CBX5: variants seen among roughly 807,000 people sequenced by gnomAD.
The protein encoded by CBX5 is chromobox protein homolog 5.
CBX5 carries 7 observed loss-of-function variants against 20.7 expected under a neutral mutation model. The observed-to-expected ratio is 0.34, with a 90% CI of 0.19 to 0.63. The LOEUF is 0.63. Ranked by LOEUF, CBX5 falls within the 30% of genes least tolerant of loss-of-function variation. CBX5 has a pLI of 0.75. For synonymous variants in CBX5, 78 were observed against 77.0 expected (o/e 1.01, Z -0.07); for missense variants, 110 against 224.1 (o/e 0.49, Z 3.25).
chr12:54,268,742 A>G (rs1943980671), intron 1 of CBX5, among the ~76,000 whole-genome samples: 1 of 152,200 alleles, frequency 6.6e-6, no homozygotes, highest in Admixed American at 6.5e-5. Flanking sequence ...TTGTTATAGA[A>G]AAGGTAAAAG....
chr12:54,274,810 C>T (rs1029048449), intron 1 of CBX5, among the ~76,000 whole-genome samples: 2 of 151,938 alleles, frequency 1.3e-5, no homozygotes, highest in Non-Finnish European at 2.9e-5. Flanking sequence ...CATGGTGGCA[C>T]GTGCCTGTAG....
At chr12:54,269,628 C>T (rs1235615787) in intron 1 of CBX5, among the ~76,000 whole-genome samples, 1 of 152,092 alleles carries the variant, frequency 6.6e-6, no homozygotes, top group Non-Finnish European at 1.5e-5. Flanking sequence ...ACCTCGTGAT[C>T]CACCCACCTC....
In CBX5 at chr12:54,247,226, G is replaced by A. The variant is rs181492840; in HGVS notation, c.325-1011C>T. ...TAGAAGGTAGAACCGGACTGTGACT[G>A]AAAACAAAAACAAACAAAAAAGAAA... On this transcript the variant is annotated intron_variant, in intron 3 of 4. Coordinates refer to ENST00000209875, the MANE Select transcript of CBX5 (RefSeq NM_012117.3). Among the ~76,000 whole-genome samples, 196 of 147,246 alleles carry A rather than the reference G, an allele frequency of 1.3e-3. 1 individual carries two copies. Among genetic ancestry groups the A allele is most frequent in the East Asian group, 9.9e-3 (50 of 5,042 alleles).
At chr12:54,260,662 T>C (rs1043994461) in intron 1 of CBX5, among the ~76,000 whole-genome samples, 1 of 152,162 alleles carries the variant, frequency 6.6e-6, no homozygotes, top group Non-Finnish European at 1.5e-5. Context: ...CATCACCTGA[T>C]ACATTATTAA....
At chr12:54,243,107 G>C (rs141853464) in intron 4 of CBX5, among the ~76,000 whole-genome samples, 1,583 of 152,088 alleles carry the variant, frequency 0.01, 25 homozygotes, top group African/African-American at 0.036. Context: ...CTGGGCAACA[G>C]AGTGAGACCC....
intron 3 of CBX5, 56 bp downstream of exon 3, chr12:54,251,979 TTTATTA>T: frequency 1.5e-6 from 2 of 1,357,344 alleles, no homozygotes; most frequent in South Asian, 3.1e-5. Flanking sequence ...GATACTTTTA[TTTATTA>T]TTATTATTTT....
rs1565863159 is a variant in CBX5, at chr12:54,233,403, C to G, written c.*8352G>C. On this transcript the variant is annotated 3_prime_UTR_variant, in exon 5 of 5. Coordinates refer to ENST00000209875, the MANE Select transcript of CBX5 (RefSeq NM_012117.3). ...GGTGAGGGTGACACGAGACAAACAC[C>G]AAACTCACCACCAGCCCTCGTTTAG... 6.6e-6 allele frequency: 1 copy of G among 152,124 alleles called. No homozygotes were observed. The highest frequency in any genetic ancestry group is 1.5e-5 in the Non-Finnish European group (1 of 68,024). The allele number at this position is 152,124 out of a possible 1,614,324, so 9.4% of individuals were successfully genotyped here.
At chr12:54,273,948 G>C (rs2137032569) in intron 1 of CBX5, 1 of 152,306 alleles carries the variant, frequency 6.6e-6, no homozygotes, top group East Asian at 1.9e-4. Context: ...TTGTGTTTCA[G>C]ATAACCCAAA....
intron 1 of CBX5, among the ~76,000 whole-genome samples, chr12:54,266,026 AAC>A (rs1483506575): frequency 3.5e-4 from 48 of 136,986 alleles, no homozygotes; most frequent in Admixed American, 2.1e-3. Context: ...CAGCCTGGGC[AAC>A]AGAGGCAGAC....
chr12:54,245,938 C>A (rs1411634914), intron 4 of CBX5, among the ~76,000 whole-genome samples, 177 bp downstream of exon 4: 1 of 152,144 alleles, frequency 6.6e-6, no homozygotes, highest in African/African-American at 2.4e-5. Flanking sequence ...AGTGAGATCG[C>A]ACCACTGTAC....
At chr12:54,278,528 T>C (rs1352837756) in intron 1 of CBX5, 1 of 152,250 alleles carries the variant, frequency 6.6e-6, no homozygotes, top group East Asian at 1.9e-4. Flanking sequence ...ATTATAAGTG[T>C]ATTTCATAGG....
intron 1 of CBX5, among the ~76,000 whole-genome samples, chr12:54,262,103 G>A (rs1297777647): frequency 6.6e-6 from 1 of 152,220 alleles, no homozygotes; most frequent in Non-Finnish European, 1.5e-5. Context: ...AGAGAACAGG[G>A]TAGGTACGTT....
At chr12:54,253,909 C>T (rs560366296) in intron 2 of CBX5, among the ~76,000 whole-genome samples, 4 of 151,710 alleles carry the variant, frequency 2.6e-5, no homozygotes, top group South Asian at 2.1e-4. Context: ...TACAGGCATG[C>T]GCCACCAATT....
intron 4 of CBX5, among the ~76,000 whole-genome samples, chr12:54,242,182 T>G (rs1805444519): frequency 6.6e-6 from 1 of 152,170 alleles, no homozygotes; most frequent in Non-Finnish European, 1.5e-5. Context: ...ATTAATCTGC[T>G]TCCAAAATTT....
chr12:54,277,403 C>T (rs1297270769), intron 1 of CBX5, among the ~76,000 whole-genome samples: 1 of 152,188 alleles, frequency 6.6e-6, no homozygotes, highest in African/African-American at 2.4e-5. Flanking sequence ...CGGGGTTTCA[C>T]GATGTTGGCC....
intron 1 of CBX5, among the ~76,000 whole-genome samples, chr12:54,278,250 GTGCTAA>G (rs1282572373): frequency 6.6e-6 from 1 of 152,170 alleles, no homozygotes; most frequent in Admixed American, 6.5e-5. Flanking sequence ...AATACCAACA[GTGCTAA>G]TGCTGAGAAA....
intron 1 of CBX5, among the ~76,000 whole-genome samples, chr12:54,259,965 A>G (rs1457386371): frequency 6.6e-6 from 1 of 152,102 alleles, no homozygotes; most frequent in Non-Finnish European, 1.5e-5. Context: ...CCATCACTTA[A>G]TCCAGCCCAC....
rs1943574342 is a variant in CBX5, at chr12:54,232,102, T to G, written c.*9653A>C. 1 of 152,202 alleles carries G rather than the reference T, an allele frequency of 6.6e-6. No individual in the cohort carries two copies. Among genetic ancestry groups the G allele is most frequent in the Non-Finnish European group, 1.5e-5 (1 of 68,044 alleles). 9.4% of individuals were successfully genotyped at this position (152,202 alleles called of 1,614,324 possible). A position where few individuals can be genotyped will look rare whatever the true frequency, so the allele number is the denominator to read the frequency against. On this transcript the variant is annotated 3_prime_UTR_variant, in exon 5 of 5. Transcript: ENST00000209875. ...AGAAATACGCAGTAGCATCCCTGCC[T>G]CACGATTCCCTAATCCAATGCTCTT...
chr12:54,241,802 A>G lies in CBX5; in HGVS notation c.529T>C (p.Tyr177His), dbSNP rs781453372. 9 of 1,613,334 alleles carry G rather than the reference A, an allele frequency of 5.6e-6. No homozygotes were observed. The highest frequency in any genetic ancestry group is 7.6e-6 in the Non-Finnish European group (9 of 1,179,858). ...FYEERLTWHAYPEDAENKEKE... is the reference protein window; with the variant it reads ...FYEERLTWHAHPEDAENKEKE... ...TCTTTGTTTTCCGCATCCTCAGGATATGCATGCCATGTCAGTCTCTCTTCA... is the reference window on the plus strand; with the variant it reads ...TCTTTGTTTTCCGCATCCTCAGGATGTGCATGCCATGTCAGTCTCTCTTCA... Residue 177 changes from tyrosine (Y) to histidine (H), a missense_variant, in exon 5 of 5, where the codon TAT (tyrosine) becomes CAT (histidine). Tyr to His is a moderately conservative substitution (Grantham distance 83). Around this residue, in one of 3 missense-constraint regions of CBX5, gnomAD observed 31 missense variants for 84.9 expected, o/e 0.37. Transcript: ENST00000209875.
Sources: allele counts gnomAD v4.1 joint callset (sites outside exome capture counted in the v4.1 genomes callset), GRCh38; gene constraint gnomAD v4.1.1; regional missense constraint gnomAD v4.1.1; transcripts MANE v1.5; gene names NCBI Gene and HGNC (gene_info 2026-07-23, HGNC 2026-07-21).